Variants in NOX4 observed in about 807,000 individuals in gnomAD.
NOX4 encodes the protein kidney oxidase-1.
A neutral mutation model predicts 87.6 loss-of-function variants in NOX4; 69 were observed. The observed-to-expected ratio is 0.79, with a 90% CI of 0.65 to 0.96. NOX4 has a LOEUF of 0.96. Among genes scored for constraint, NOX4 ranks in the 40% least tolerant of loss-of-function variants. The probability of loss-of-function intolerance (pLI) is 0.00; values close to 1 mark genes in which losing one functional copy is unlikely to be tolerated. For synonymous variants in NOX4, 275 were observed against 238.2 expected, an observed-to-expected ratio of 1.15 and a Z score of -1.42; for missense variants, 680 against 681.5, an observed-to-expected ratio of 1.00 and a Z score of 0.02.
intron 13 of NOX4, among the ~76,000 whole-genome samples, chr11:89,345,340 T>G (rs958678427): frequency 3.3e-5 from 5 of 152,220 alleles, no homozygotes; most frequent in African/African-American, 1.2e-4. Flanking sequence ...TGGTTCAATT[T>G]AAATGTTTTT....
intron 6 of NOX4, among the ~76,000 whole-genome samples, 199 bp from the exon 7 acceptor site, chr11:89,433,055 A>T: frequency 6.6e-6 from 1 of 152,280 alleles, no homozygotes; most frequent in East Asian, 1.9e-4. Flanking sequence ...ACAGATAATA[A>T]TTATACATAG....
chr11:89,342,163 T>C lies in NOX4; in HGVS notation c.1248A>G (p.Pro416=). Residue 416 remains proline, a synonymous_variant, in exon 14 of 18, where the codon CCA becomes CCG. Coordinates refer to ENST00000263317, the MANE Select transcript of NOX4 (RefSeq NM_016931.5). ...CCTCATAGTTCAGTGATTCCTCAAA[T>C]GGACTTCCAAAAGGACCATCAATAT... is the stretch of plus-strand genomic sequence containing the variant. The part of the protein sequence containing the change: ...KLYIDGPFGS[P]FEESLNYEVS... 1 of 1,613,256 alleles carries C rather than the reference T, an allele frequency of 6.2e-7. No homozygotes were observed. The highest frequency in any genetic ancestry group is 1.1e-5 in the South Asian group (1 of 91,046).
At chr11:89,416,466 C>A (rs1480419896) in intron 8 of NOX4, among the ~76,000 whole-genome samples, 2 of 152,178 alleles carry the variant, frequency 1.3e-5, no homozygotes, top group Non-Finnish European at 1.5e-5. Context: ...TATCAGCAGT[C>A]CTTAACACTT....
chr11:89,370,603 A>G (rs1230351541), intron 12 of NOX4, among the ~76,000 whole-genome samples: 2 of 152,066 alleles, frequency 1.3e-5, no homozygotes, highest in Non-Finnish European at 2.9e-5. Context: ...TAGAAGAGCA[A>G]TAAGGTATTC....
At chr11:89,543,973 C>T in the NOX4 span, among the ~76,000 whole-genome samples, 1 of 151,902 alleles carries the variant, frequency 6.6e-6, no homozygotes, top group Non-Finnish European at 1.5e-5. Context: ...AAAAGGGGAA[C>T]CTGTTCCTTT....
upstream of NOX4, among the ~76,000 whole-genome samples, chr11:89,497,112 A>C (rs1034799730): frequency 9.8e-5 from 15 of 152,288 alleles, no homozygotes; most frequent in Middle Eastern, 3.4e-3. Flanking sequence ...AGCTTTCCCC[A>C]GTCATCCCAG....
chr11:89,387,950 A>G (rs1202740622), intron 11 of NOX4, among the ~76,000 whole-genome samples: 1 of 152,172 alleles, frequency 6.6e-6, no homozygotes, highest in Non-Finnish European at 1.5e-5. Context: ...GTTTTAAATC[A>G]ATAAAGGTGT....
At chr11:89,354,346 A>C (rs1405116171) in intron 13 of NOX4, among the ~76,000 whole-genome samples, 2 of 152,184 alleles carry the variant, frequency 1.3e-5, no homozygotes, top group African/African-American at 4.8e-5. Flanking sequence ...GTGTTATAAG[A>C]GTCGTGGTAT....
chr11:89,361,217 C>T (rs1938494521), intron 12 of NOX4, among the ~76,000 whole-genome samples: 2 of 151,942 alleles, frequency 1.3e-5, no homozygotes, highest in African/African-American at 4.8e-5. Context: ...CATCAACTAA[C>T]AAGTAGATAA....
the NOX4 span, among the ~76,000 whole-genome samples, chr11:89,528,299 C>A: frequency 1.3e-5 from 2 of 152,078 alleles, no homozygotes; most frequent in African/African-American, 2.4e-5. Context: ...ATGTCTCAGG[C>A]AGGACTTTGG....
chr11:89,348,116 G>A (rs527466160), intron 13 of NOX4, among the ~76,000 whole-genome samples: 2 of 152,232 alleles, frequency 1.3e-5, no homozygotes, highest in South Asian at 4.1e-4. Context: ...TGATAACAAA[G>A]TGATAAGACC....
At chr11:89,490,337 A>T in intron 2 of NOX4, 121 bp downstream of exon 2, 1 of 699,084 alleles carries the variant, frequency 1.4e-6, no homozygotes, top group East Asian at 2.5e-5. Context: ...TTTAGAGAAC[A>T]ACAAAGGTTT....
chr11:89,332,167 C>T (rs1945502714), intron 17 of NOX4, among the ~76,000 whole-genome samples: 1 of 150,718 alleles, frequency 6.6e-6, no homozygotes, highest in Non-Finnish European at 1.5e-5. Flanking sequence ...ACTTAATCAC[C>T]CCGGAGAGCT....
At chr11:89,510,505 T>G in the NOX4 span, among the ~76,000 whole-genome samples, 3 of 152,040 alleles carry the variant, frequency 2.0e-5, no homozygotes, top group African/African-American at 7.2e-5. Context: ...GACAGTAACA[T>G]AAAGTCACAG....
At chr11:89,418,348 T>A (rs1942896356) in intron 8 of NOX4, among the ~76,000 whole-genome samples, 1 of 151,168 alleles carries the variant, frequency 6.6e-6, no homozygotes. Flanking sequence ...GGGTTCAAAC[T>A]GGAAATCTAC....
chr11:89,387,830 G>A (rs1028381800), intron 11 of NOX4, among the ~76,000 whole-genome samples: 2 of 152,080 alleles, frequency 1.3e-5, no homozygotes, highest in Non-Finnish European at 2.9e-5. Flanking sequence ...CCTTAATAAA[G>A]GATTTGATTT....
chr11:89,553,423 C>A, the NOX4 span, among the ~76,000 whole-genome samples: 12 of 152,212 alleles, frequency 7.9e-5, no homozygotes, highest in African/African-American at 2.9e-4. Flanking sequence ...TGAGGCCTTC[C>A]CAGCCATGTG....
chr11:89,336,968 A>G (rs1488933485), intron 16 of NOX4, among the ~76,000 whole-genome samples: 1 of 152,090 alleles, frequency 6.6e-6, no homozygotes, highest in Admixed American at 6.6e-5. Context: ...CAAAATGGGA[A>G]TAACATTTAC....
Position 89,400,243 on chromosome 11 carries a change from T to G in NOX4, c.983A>C (p.Lys328Thr), listed in dbSNP as rs746674899. 1.8e-4 allele frequency: 294 copies of G among 1,612,688 alleles called. No individual in the cohort carries two copies. The highest frequency in any genetic ancestry group is 2.5e-4 in the Non-Finnish European group (291 of 1,179,278). Residue 328 changes from lysine (K) to threonine (T), a missense_variant, in exon 10 of 18, where the codon AAA becomes ACA. Lys to Thr is a moderately conservative substitution (Grantham distance 78, BLOSUM62 -1). Coordinates refer to ENST00000263317, the MANE Select transcript of NOX4 (RefSeq NM_016931.5). ...ACCAGGTCTTGCTTTAAAATTTTCT[T>G]TGACCATTCGGATTTCCATGACATC... ...PSDVMEIRMVKENFKARPGQY... is the reference protein window; with the variant it reads ...PSDVMEIRMVTENFKARPGQY...
Sources: gnomAD v4.1 joint callset for allele counts (sites outside exome capture counted in the v4.1 genomes callset) on GRCh38, gnomAD v4.1.1 for gene constraint, MANE v1.5 for transcripts, NCBI Gene and HGNC (gene_info 2026-07-23, HGNC 2026-07-21) for gene names.